Variants in LMF1 observed in about 807,000 individuals in gnomAD.
LMF1 encodes the protein transmembrane protein 112.
Under a neutral mutation model 60.6 loss-of-function variants are expected in LMF1, and 68 were observed. The observed-to-expected ratio is 1.12, with a 90% CI of 0.92 to 1.37. The LOEUF (loss-of-function observed/expected upper bound fraction) is 1.37. Ranked by LOEUF, LMF1 falls within the 40% of genes most tolerant of loss-of-function variation. LMF1 has a pLI of 0.00. For synonymous variants in LMF1, 418 were observed against 324.7 expected (o/e 1.29, Z -3.09); for missense variants, 948 against 767.2 (o/e 1.24, Z -2.78).
chr16:978,113 CACACCAT>C (rs2073219729), intron 1 of LMF1, among the ~76,000 whole-genome samples: 59 of 140,080 alleles, frequency 4.2e-4, no homozygotes. Flanking sequence ...ACACACACCA[CACACCAT>C]ACACACACCA....
At chr16:927,702 G>A (rs987642946) in intron 3 of LMF1, among the ~76,000 whole-genome samples, 3 of 152,222 alleles carry the variant, frequency 2.0e-5, no homozygotes, top group East Asian at 1.9e-4. Flanking sequence ...ATCGCTTCCC[G>A]CAGGCAGGCT....
chr16:871,430 G>A (rs1432250282), intron 6 of LMF1, 89 bp from the exon 7 acceptor site: 2 of 1,333,626 alleles, frequency 1.5e-6, no homozygotes, highest in East Asian at 2.5e-5. Flanking sequence ...CAGGGAGGGG[G>A]GAGGGAACCT....
At chr16:859,487 G>T (rs1272986343) in intron 10 of LMF1, among the ~76,000 whole-genome samples, 13 of 102,780 alleles carry the variant, frequency 1.3e-4, no homozygotes, top group Admixed American at 2.5e-4. Flanking sequence ...GGTGTGAGTG[G>T]TGTCTCGGGA....
intron 4 of LMF1, among the ~76,000 whole-genome samples, chr16:909,227 G>A (rs779639398): frequency 3.3e-5 from 5 of 152,312 alleles, no homozygotes; most frequent in African/African-American, 7.2e-5. Context: ...AAGGTGAGAC[G>A]CAGGGATGTG....
In LMF1 at chr16:874,649, C is replaced by T. The variant is rs1284623958; in HGVS notation, c.898-3308G>A. ...GGCTGCTCATGCCGCAACTCCCCAA[C>T]GGAAGGATCACGGGAACCAGGACAG... On this transcript the variant is annotated intron_variant, in intron 6 of 10. Transcript: ENST00000262301. The surrounding 1 kb of genome is among the most constrained non-coding windows in gnomAD (Gnocchi z 4.1). Among the ~76,000 whole-genome samples, 3 of 152,168 alleles carry T rather than the reference C, an allele frequency of 2.0e-5. No homozygotes were observed. Among genetic ancestry groups the T allele is most frequent in the East Asian group, 1.9e-4 (1 of 5,190 alleles).
At chr16:911,233 C>T (rs752255363) in intron 3 of LMF1, 154 bp from the exon 4 acceptor site, 18 of 893,674 alleles carry the variant, frequency 2.0e-5, no homozygotes, top group Middle Eastern at 2.2e-4. Flanking sequence ...GTCTCAACAT[C>T]GACACGCAAG....
chr16:948,854 C>CAG (rs2072338710), intron 2 of LMF1, among the ~76,000 whole-genome samples: 4 of 93,248 alleles, frequency 4.3e-5, no homozygotes, highest in African/African-American at 1.9e-4. Flanking sequence ...ACGACAGAGT[C>CAG]AGCCAACGAC....
chr16:896,897 A>G (rs577845896), intron 4 of LMF1, among the ~76,000 whole-genome samples: 3 of 152,288 alleles, frequency 2.0e-5, no homozygotes, highest in Admixed American at 6.5e-5. Flanking sequence ...ATTTCTCTCT[A>G]CATTGCACAT....
intron 8 of LMF1, among the ~76,000 whole-genome samples, chr16:870,306 G>C (rs2069744221): frequency 6.6e-6 from 1 of 152,242 alleles, no homozygotes; most frequent in African/African-American, 2.4e-5. Flanking sequence ...CCCAGCTGCA[G>C]CCGCCATGTG....
In LMF1 at chr16:968,049, G is replaced by A. The variant is rs550757728; in HGVS notation, c.193+2739C>T. Among the ~76,000 whole-genome samples, 441 of 152,306 alleles carry A rather than the reference G, an allele frequency of 2.9e-3. 3 individuals carry two copies. Among genetic ancestry groups the A allele is most frequent in the Middle Eastern group, 0.024 (7 of 294 alleles). On this transcript the variant is annotated intron_variant, in intron 1 of 10. Coordinates refer to ENST00000262301, the MANE Select transcript of LMF1 (RefSeq NM_022773.4). ...TCCCACAGCACAGCAGGGCATGCCC[G>A]ACACCCCAGGACGCCCGCGGTATGC...
upstream of LMF1, chr16:981,299 TGTGTGA>T (rs1249601629): frequency 4.0e-4 from 152 of 379,476 alleles, no homozygotes; most frequent in East Asian, 1.5e-3. Context: ...TGTGTGTGTG[TGTGTGA>T]GAGAGAGAGA....
chr16:942,932 T>G (rs1051063050), intron 2 of LMF1, among the ~76,000 whole-genome samples: 35 of 152,256 alleles, frequency 2.3e-4, no homozygotes, highest in Non-Finnish European at 4.7e-4. Context: ...TTCTTTAGCT[T>G]GGATAATTTC....
rs1405551279 is a variant in LMF1, at chr16:897,243, G to A, written c.664-4171C>T. ...AAGTGTCTTGACGGTCGTATGCGGA[G>A]AAGGAGACACTCTGTGGAGACCCCG... is the stretch of plus-strand genomic sequence containing the variant. On this transcript the variant is annotated intron_variant, in intron 4 of 10. Coordinates refer to ENST00000262301, the MANE Select transcript of LMF1 (RefSeq NM_022773.4). The surrounding 1 kb of genome is among the most constrained non-coding windows in gnomAD (Gnocchi z 4.3). 1.3e-5 allele frequency among the ~76,000 whole-genome samples: 2 copies of A among 152,108 alleles called. No individual in the cohort carries two copies. Among genetic ancestry groups the A allele is most frequent in the Non-Finnish European group, 2.9e-5 (2 of 68,042 alleles).
rs185542114 is a variant in LMF1 at position 956,138 on chromosome 16, C to A, written c.194-1472G>T. On this transcript the variant is annotated intron_variant, in intron 1 of 10. Coordinates refer to ENST00000262301, the MANE Select transcript of LMF1 (RefSeq NM_022773.4). Reference sequence around the variant, plus strand: ...CACCCCACAATGGCACTGTCACATCCACAGGTCTCCGAGTTCATGTCTCAC... The same window carrying A: ...CACCCCACAATGGCACTGTCACATCAACAGGTCTCCGAGTTCATGTCTCAC... 8.1e-4 allele frequency among the ~76,000 whole-genome samples: 76 copies of A among 94,306 alleles called. 8 individuals carry two copies. In the East Asian group the frequency reaches 0.021, roughly 25 times the overall value. 61.9% of individuals were successfully genotyped at this position (94,306 alleles called of 152,430 possible). A position where few individuals can be genotyped will look rare whatever the true frequency, so the allele number is the denominator to read the frequency against.
At chr16:924,099 A>G (rs1216749582) in intron 3 of LMF1, among the ~76,000 whole-genome samples, 2 of 152,124 alleles carry the variant, frequency 1.3e-5, no homozygotes, top group Non-Finnish European at 1.5e-5. Flanking sequence ...AATAATGTAA[A>G]GACAATCAAA....
At chr16:966,257 G>C (rs1211209020) in intron 1 of LMF1, among the ~76,000 whole-genome samples, 5 of 152,194 alleles carry the variant, frequency 3.3e-5, no homozygotes, top group East Asian at 3.9e-4. Flanking sequence ...CTCACTGCAA[G>C]CAGTGCAGGT....
chr16:868,776 C>CGGG (rs746232858), intron 10 of LMF1, among the ~76,000 whole-genome samples, 168 bp downstream of exon 10: 21 of 50,102 alleles, frequency 4.2e-4, no homozygotes, highest in Admixed American at 6.9e-4. Flanking sequence ...TGATGTGGGG[C>CGGG]GGGGGGGGGG....
At chr16:879,486 C>T (rs1409616861) in intron 6 of LMF1, 84 bp downstream of exon 6, 1 of 1,498,362 alleles carries the variant, frequency 6.7e-7, no homozygotes, top group South Asian at 1.3e-5. Context: ...CCCCAGGGTC[C>T]TCCCAGAGAG....
At chr16:888,651 C>T (rs1299294239) in intron 5 of LMF1, among the ~76,000 whole-genome samples, 1 of 152,258 alleles carries the variant, frequency 6.6e-6, no homozygotes, top group Non-Finnish European at 1.5e-5. Flanking sequence ...AGCAACCCTC[C>T]CCACAGCCTG....
Sources: allele counts gnomAD v4.1 joint callset (sites outside exome capture counted in the v4.1 genomes callset), GRCh38; gene constraint gnomAD v4.1.1; non-coding constraint Gnocchi (gnomAD v3.1); transcripts MANE v1.5; gene names NCBI Gene and HGNC (gene_info 2026-07-23, HGNC 2026-07-21).